EIF4H: variants seen among roughly 807,000 people sequenced by gnomAD.
EIF4H encodes the protein Williams-Beuren syndrome chromosome region 1.
EIF4H carries 8 observed loss-of-function variants against 30.6 expected under a neutral mutation model. The observed-to-expected ratio is 0.26, with a 90% CI of 0.15 to 0.47. EIF4H has a LOEUF of 0.47. Among genes scored for constraint, EIF4H ranks in the 20% least tolerant of loss-of-function variants. EIF4H has a pLI of 0.99. For missense variants in EIF4H, 188 were observed against 339.5 expected (o/e 0.55, Z 3.51); for synonymous variants, 106 against 122.7 (o/e 0.86, Z 0.90).
At chr7:74,183,481 A>C (rs1448762888) in intron 1 of EIF4H, among the ~76,000 whole-genome samples, 2 of 152,244 alleles carry the variant, frequency 1.3e-5, no homozygotes, top group Non-Finnish European at 2.9e-5. Context: ...ATTGAAATAT[A>C]ACAGACAAGA....
rs199775069 is a variant in EIF4H, at chr7:74,187,710, G to C, written c.159G>C (p.Thr53=). The change falls in exon 2 of 7, where the codon ACG becomes ACC. Residue 53 remains threonine, a synonymous_variant. Transcript: ENST00000265753. The part of the protein sequence containing the change: ...TAYVGNLPFN[T]VQGDIDAIFK... ...ACGTAGGAAATCTACCTTTCAATAC[G>C]GTTCAGGGCGACATAGATGCTATCT... 1 of 1,613,888 alleles carries C rather than the reference G, an allele frequency of 6.2e-7. No individual in the cohort carries two copies. Among genetic ancestry groups the C allele is most frequent in the Non-Finnish European group, 8.5e-7 (1 of 1,179,870 alleles).
At chr7:74,186,649 G>A (rs1554709186) in intron 1 of EIF4H, among the ~76,000 whole-genome samples, 1 of 152,026 alleles carries the variant, frequency 6.6e-6, no homozygotes, top group Admixed American at 6.6e-5. Context: ...GAAATGGATT[G>A]GTAATGCACG....
rs782095889 is a variant in EIF4H at position 74,194,757 on chromosome 7, C to T, written c.486C>T (p.Phe162=). 2 of 1,592,086 alleles carry T rather than the reference C, an allele frequency of 1.3e-6. No individual in the cohort carries two copies. Among genetic ancestry groups the T allele is most frequent in the Non-Finnish European group, 1.7e-6 (2 of 1,162,662 alleles). The part of the protein sequence containing the change: ...DDFNSGFRDD[F]LGGRGGSRPG... ...CTTCCTCAGGCTTCAGGGATGACTTCTTAGGGGGCAGGGGAGGTAGTCGCC... is the reference window on the plus strand; with the variant it reads ...CTTCCTCAGGCTTCAGGGATGACTTTTTAGGGGGCAGGGGAGGTAGTCGCC... The change falls in exon 6 of 7, where the codon TTC becomes TTT. Residue 162 remains phenylalanine (F), a synonymous_variant. Coordinates refer to ENST00000265753, the MANE Select transcript of EIF4H (RefSeq NM_022170.2).
At chr7:74,193,431 GATA>G (rs1474135839) in intron 5 of EIF4H, among the ~76,000 whole-genome samples, 1 of 152,102 alleles carries the variant, frequency 6.6e-6, no homozygotes, top group Non-Finnish European at 1.5e-5. Flanking sequence ...GGGATCTGTG[GATA>G]ATGAGGATGA....
intron 1 of EIF4H, among the ~76,000 whole-genome samples, chr7:74,184,689 TG>T (rs1801043347): frequency 6.6e-6 from 1 of 151,972 alleles, no homozygotes; most frequent in African/African-American, 2.4e-5. Context: ...TGTGCTTTTT[TG>T]TTTGTTTTTT....
chr7:74,182,115 C>G (rs1388122357), intron 1 of EIF4H, among the ~76,000 whole-genome samples: 1 of 151,996 alleles, frequency 6.6e-6, no homozygotes, highest in South Asian at 2.1e-4. Context: ...CAGTTTTTCC[C>G]AGTTTTTGCA....
At chr7:74,181,051 T>C (rs1276548609) in intron 1 of EIF4H, among the ~76,000 whole-genome samples, 1 of 152,162 alleles carries the variant, frequency 6.6e-6, no homozygotes, top group African/African-American at 2.4e-5. Context: ...CATTTTTAAG[T>C]GTACAATTTA....
chr7:74,182,159 T>C (rs782180077), intron 1 of EIF4H, among the ~76,000 whole-genome samples: 1 of 152,226 alleles, frequency 6.6e-6, no homozygotes, highest in Non-Finnish European at 1.5e-5. Flanking sequence ...TGTTTGAATA[T>C]GCAAAACATT....
At chr7:74,184,706 T>C (rs1165713629) in intron 1 of EIF4H, among the ~76,000 whole-genome samples, 1 of 152,150 alleles carries the variant, frequency 6.6e-6, no homozygotes, top group Non-Finnish European at 1.5e-5. Flanking sequence ...TTTTTGTGTT[T>C]TTTTGTTTTT....
intron 4 of EIF4H, 36 bp from the exon 5 acceptor site, chr7:74,190,211 C>T (rs377427598): frequency 6.2e-6 from 10 of 1,604,108 alleles, no homozygotes; most frequent in Non-Finnish European, 8.5e-6. Flanking sequence ...AAGGTAATGA[C>T]ACGACCTCAA....
At chr7:74,191,936 C>T (rs1290273948) in intron 5 of EIF4H, among the ~76,000 whole-genome samples, 6 of 151,948 alleles carry the variant, frequency 3.9e-5, no homozygotes, top group Admixed American at 6.6e-5. Flanking sequence ...CCCACCACCA[C>T]GCCCGGCTAA....
At chr7:74,176,364 A>G (rs562758022) in intron 1 of EIF4H, among the ~76,000 whole-genome samples, 1 of 152,108 alleles carries the variant, frequency 6.6e-6, no homozygotes, top group African/African-American at 2.4e-5. Flanking sequence ...CAGCCTCCCA[A>G]AGTGCTGGGA....
At position 74,196,847 on chromosome 7, in the gene EIF4H, A is replaced by G. The variant is rs1554710842; in HGVS notation, c.*1539A>G. The G allele has an allele frequency of 1.3e-5, 2 of 152,378 alleles. No homozygotes were observed. The highest frequency in any genetic ancestry group is 4.8e-5 in the African/African-American group (2 of 41,416). The allele number at this position is 152,378 out of a possible 1,614,324, so 9.4% of individuals were successfully genotyped here. On this transcript the variant is annotated 3_prime_UTR_variant, in exon 7 of 7. Transcript: ENST00000265753. ...AACCATTTGTGTAACACCAACACTT[A>G]ACTTCAGAAAGACATGCATTATGTG...
At chr7:74,193,194 C>T (rs943620674) in intron 5 of EIF4H, among the ~76,000 whole-genome samples, 2 of 152,174 alleles carry the variant, frequency 1.3e-5, no homozygotes, top group African/African-American at 4.8e-5. Context: ...GCACCTGGGG[C>T]CACTTCAGAC....
chr7:74,184,500 C>T (rs1432215262), intron 1 of EIF4H, among the ~76,000 whole-genome samples: 3 of 152,060 alleles, frequency 2.0e-5, no homozygotes, highest in African/African-American at 7.2e-5. Flanking sequence ...TTATACGTCC[C>T]ACACAACTGT....
intron 1 of EIF4H, among the ~76,000 whole-genome samples, chr7:74,183,239 T>C (rs1020371255): frequency 2.0e-5 from 3 of 152,174 alleles, no homozygotes; most frequent in African/African-American, 7.2e-5. Flanking sequence ...CTGTCCCTAA[T>C]GGGCAGTAGA....
intron 5 of EIF4H, among the ~76,000 whole-genome samples, chr7:74,191,685 T>C (rs1455668261): frequency 1.3e-5 from 2 of 152,214 alleles, no homozygotes; most frequent in Non-Finnish European, 2.9e-5. Context: ...AAACATTTCA[T>C]CATCAGAAAT....
At chr7:74,184,736 T>G (rs1801044800) in intron 1 of EIF4H, among the ~76,000 whole-genome samples, 1 of 152,194 alleles carries the variant, frequency 6.6e-6, no homozygotes, top group Admixed American at 6.5e-5. Flanking sequence ...AGATGGAGTC[T>G]CGCTCTGTAG....
intron 1 of EIF4H, among the ~76,000 whole-genome samples, chr7:74,187,201 A>G (rs1464372204): frequency 6.6e-6 from 1 of 152,090 alleles, no homozygotes; most frequent in Non-Finnish European, 1.5e-5. Context: ...AGGGTGAGGC[A>G]GGCAGACCAC....
Sources: gnomAD v4.1 joint callset for allele counts (sites outside exome capture counted in the v4.1 genomes callset) on GRCh38, gnomAD v4.1.1 for gene constraint, MANE v1.5 for transcripts, NCBI Gene and HGNC (gene_info 2026-07-23, HGNC 2026-07-21) for gene names.